The following RANBP2 variants were observed in gnomAD, a reference collection of about 807,000 sequenced individuals.
The protein encoded by RANBP2 is E3 SUMO-protein ligase RanBP2.
A neutral mutation model predicts 303.6 loss-of-function variants in RANBP2; 57 were observed. The ratio of observed to expected loss-of-function variants is 0.19; its 90% CI spans 0.15 to 0.23. RANBP2 has a LOEUF of 0.23. RANBP2 is among the 10% of genes least tolerant of loss of function. RANBP2 has a pLI of 1.00. For missense variants in RANBP2, 3,138 were observed against 3,780.8 expected (o/e 0.83, Z 4.46); for synonymous variants, 1,167 against 1,301.5 (o/e 0.90, Z 2.23).
chr2:109,668,057 A>G, the RANBP2 span: 1 of 155,710 alleles, frequency 6.4e-6, no homozygotes, highest in Non-Finnish European at 1.4e-5. Context: ...GATGATTTCA[A>G]ACACCACGGT....
chr2:109,069,477 A>G, the RANBP2 span, among the ~76,000 whole-genome samples: 2 of 152,242 alleles, frequency 1.3e-5, no homozygotes, highest in Non-Finnish European at 2.9e-5. Context: ...AGCTCCAGGG[A>G]GTGCCTTCCG....
At chr2:109,297,823 C>T in the RANBP2 span, among the ~76,000 whole-genome samples, 1 of 152,026 alleles carries the variant, frequency 6.6e-6, no homozygotes, top group African/African-American at 2.4e-5. Context: ...CAGTGCTCCT[C>T]ACCAGGACAG....
the RANBP2 span, among the ~76,000 whole-genome samples, chr2:109,774,853 G>A: frequency 1.7e-5 from 1 of 60,508 alleles, no homozygotes; most frequent in Non-Finnish European, 2.8e-5. Context: ...CAAATTTTAT[G>A]GATGAAGACT....
chr2:108,885,698 A>AT, the RANBP2 span, among the ~76,000 whole-genome samples: 1 of 151,984 alleles, frequency 6.6e-6, no homozygotes, highest in Non-Finnish European at 1.5e-5. Flanking sequence ...TGAACATTGA[A>AT]TTTTTTCCTT....
chr2:109,186,078 C>A, the RANBP2 span, among the ~76,000 whole-genome samples: 1 of 152,222 alleles, frequency 6.6e-6, no homozygotes, highest in African/African-American at 2.4e-5. Context: ...TTGTGTTGTA[C>A]ATTCCCAGGG....
the RANBP2 span, among the ~76,000 whole-genome samples, chr2:109,743,060 C>T: frequency 6.8e-6 from 1 of 147,998 alleles, no homozygotes; most frequent in Non-Finnish European, 1.5e-5. Context: ...CACTTGAGCT[C>T]AGGAGGTCAA....
chr2:108,720,607 T>C (rs532939274), intron 1 of RANBP2, among the ~76,000 whole-genome samples: 1 of 152,222 alleles, frequency 6.6e-6, no homozygotes, highest in Admixed American at 6.5e-5. Context: ...ATAAGCTGGG[T>C]ATTTGGGGCC....
chr2:109,434,257 C>A, the RANBP2 span, among the ~76,000 whole-genome samples: 1 of 152,202 alleles, frequency 6.6e-6, no homozygotes, highest in African/African-American at 2.4e-5. Context: ...GGGGACATCA[C>A]TCTGTCACAC....
At chr2:109,420,421 T>G in the RANBP2 span, among the ~76,000 whole-genome samples, 201 of 152,140 alleles carry the variant, frequency 1.3e-3, 2 homozygotes, top group East Asian at 0.025. Flanking sequence ...AACAGGATTT[T>G]TTGTTGTTGT....
chr2:108,921,074 C>T, the RANBP2 span, among the ~76,000 whole-genome samples: 1 of 152,208 alleles, frequency 6.6e-6, no homozygotes, highest in Admixed American at 6.5e-5. Flanking sequence ...TCATAAGAAA[C>T]CCCCAGGGTG....
intron 2 of RANBP2, among the ~76,000 whole-genome samples, chr2:108,729,759 A>C (rs939420997): frequency 3.4e-5 from 5 of 147,642 alleles, no homozygotes; most frequent in Admixed American, 7.0e-5. Flanking sequence ...TCTCTTGCTC[A>C]GGCTGGAGTG....
the RANBP2 span, among the ~76,000 whole-genome samples, chr2:109,417,869 A>G: frequency 1.3e-5 from 2 of 152,178 alleles, no homozygotes; most frequent in South Asian, 4.1e-4. Context: ...TGCAGAGGTT[A>G]TCAGCTAAGC....
the RANBP2 span, among the ~76,000 whole-genome samples, chr2:109,334,522 G>A: frequency 2.0e-5 from 3 of 152,108 alleles, no homozygotes; most frequent in African/African-American, 7.2e-5. Flanking sequence ...CTAAAGGAAG[G>A]GTGCTAGTGG....
chr2:109,436,306 C>A, the RANBP2 span, among the ~76,000 whole-genome samples: 40 of 152,324 alleles, frequency 2.6e-4, no homozygotes, highest in African/African-American at 6.7e-4. Flanking sequence ...CGTGAAAAGC[C>A]CCATTTCCAG....
the RANBP2 span, among the ~76,000 whole-genome samples, chr2:109,067,322 T>C: frequency 2.4e-4 from 37 of 152,184 alleles, no homozygotes; most frequent in Non-Finnish European, 3.7e-4. Context: ...TATAAAGCCT[T>C]GAGGAATTCA....
the RANBP2 span, among the ~76,000 whole-genome samples, chr2:109,003,405 T>G: frequency 6.6e-6 from 1 of 151,504 alleles, no homozygotes; most frequent in Non-Finnish European, 1.5e-5. Context: ...TCCCTTTTAA[T>G]TTTTTTTCTT....
At chr2:109,251,373 G>C in the RANBP2 span, 29 of 646,478 alleles carry the variant, frequency 4.5e-5, no homozygotes, top group South Asian at 4.2e-4. Flanking sequence ...GCATGAGGGA[G>C]TCTGTGCATT....
the RANBP2 span, among the ~76,000 whole-genome samples, chr2:108,874,179 A>G: frequency 6.6e-6 from 1 of 152,194 alleles, no homozygotes; most frequent in African/African-American, 2.4e-5. Context: ...AGATAAAAGT[A>G]TTTTGCAAAT....
At chr2:108,970,202 C>T in the RANBP2 span, among the ~76,000 whole-genome samples, 4 of 152,128 alleles carry the variant, frequency 2.6e-5, no homozygotes, top group African/African-American at 7.2e-5. Flanking sequence ...GGCCCCTACC[C>T]GAGGCCCAGT....
Sources: gnomAD v4.1 joint callset for allele counts (sites outside exome capture counted in the v4.1 genomes callset) on GRCh38, gnomAD v4.1.1 for gene constraint, MANE v1.5 for transcripts, NCBI Gene and HGNC (gene_info 2026-07-23, HGNC 2026-07-21) for gene names.